The following PPP2R2C variants were observed in gnomAD, a reference collection of about 807,000 sequenced individuals.
PPP2R2C encodes the protein protein phosphatase 2, regulatory subunit B, gamma.
In PPP2R2C, 10 loss-of-function variants were observed where a neutral mutation model predicts 45.3. That is an observed-to-expected ratio of 0.22 (90% CI 0.14 to 0.37). The LOEUF (loss-of-function observed/expected upper bound fraction) is 0.37. PPP2R2C is among the 10% of genes least tolerant of loss of function. PPP2R2C has a pLI of 1.00. For synonymous variants in PPP2R2C, 257 were observed against 245.4 expected (o/e 1.05, Z -0.44); for missense variants, 308 against 619.7 (o/e 0.50, Z 5.34).
rs1242464315 is a variant in PPP2R2C, at chr4:6,461,363, T to C, written c.70+10797A>G. 2.0e-5 allele frequency among the ~76,000 whole-genome samples: 3 copies of C among 152,112 alleles called. No homozygotes were observed. The East Asian group carries it at 5.8e-4, about 29-fold the overall frequency. ...GGCAAGACATCCACCAAGATGCAGG[T>C]TCTTCCCACTGCAGAGTAGCCACTG... On this transcript the variant is annotated intron_variant, in intron 1 of 8. Transcript: ENST00000382599.
intron 1 of PPP2R2C, among the ~76,000 whole-genome samples, chr4:6,440,713 C>T (rs1236856418): frequency 6.6e-6 from 1 of 152,354 alleles, no homozygotes; most frequent in East Asian, 1.9e-4. Context: ...TCAGAGCCTC[C>T]TGGCATAGCT....
chr4:6,371,116 T>C (rs79535926), intron 5 of PPP2R2C, among the ~76,000 whole-genome samples: 1,728 of 152,266 alleles, frequency 0.011, 35 homozygotes, highest in African/African-American at 0.039. Context: ...GGAGGCATGA[T>C]TGAAAAGACG....
At chr4:6,355,978 G>C (rs1455383399) in intron 5 of PPP2R2C, among the ~76,000 whole-genome samples, 1 of 132,510 alleles carries the variant, frequency 7.5e-6, no homozygotes, top group East Asian at 2.3e-4. Context: ...GGGTGACAGA[G>C]TGAGACTCTG....
intron 2 of PPP2R2C, among the ~76,000 whole-genome samples, chr4:6,515,405 G>A (rs751872511): frequency 2.0e-5 from 3 of 152,170 alleles, no homozygotes; most frequent in Non-Finnish European, 4.4e-5. Context: ...AGCATTGCAG[G>A]GCTAACCAGC....
At chr4:6,396,844 C>T (rs1161885266) in intron 1 of PPP2R2C, among the ~76,000 whole-genome samples, 1 of 152,176 alleles carries the variant, frequency 6.6e-6, no homozygotes, top group African/African-American at 2.4e-5. Flanking sequence ...ATACTCAAGC[C>T]AGGGCTGATT....
chr4:6,479,856 G>T, intron 2 of PPP2R2C, among the ~76,000 whole-genome samples: 1 of 150,638 alleles, frequency 6.6e-6, no homozygotes, highest in East Asian at 2.0e-4. Flanking sequence ...TGACATATTC[G>T]CTTCAGCTTT....
intron 1 of PPP2R2C, among the ~76,000 whole-genome samples, chr4:6,408,460 A>G (rs1052788688): frequency 2.6e-5 from 4 of 152,148 alleles, no homozygotes; most frequent in African/African-American, 9.7e-5. Context: ...CTCCCAGAGA[A>G]CTGAGCCAAT....
At position 6,329,245 on chromosome 4, in the gene PPP2R2C, C is replaced by T. The variant is rs764604944; in HGVS notation, c.1052+17G>A. 3.7e-6 allele frequency: 6 copies of T among 1,610,642 alleles called. No homozygotes were observed. The Admixed American group carries it at 1.0e-4, about 27-fold the overall frequency. On this transcript the variant is annotated intron_variant, in intron 8 of 8. Coordinates refer to ENST00000382599, the MANE Select transcript of PPP2R2C (RefSeq NM_020416.4). The surrounding 1 kb of genome is among the most constrained non-coding windows in gnomAD (Gnocchi z 5.8). ...TCCCTACGGTGAGGTGAGGTGCGGG[C>T]TGAGGTCAGGGCTTACCTGTCGCTC... is the stretch of plus-strand genomic sequence containing the variant.
upstream of PPP2R2C, among the ~76,000 whole-genome samples, chr4:6,472,875 GAGA>G (rs1351622401): frequency 1.3e-5 from 2 of 152,182 alleles, no homozygotes; most frequent in Admixed American, 1.3e-4. Flanking sequence ...AGTTATGGGA[GAGA>G]AGGCCAAGAG....
intron 1 of PPP2R2C, chr4:6,382,721 C>T (rs1199861464): frequency 6.6e-6 from 3 of 454,802 alleles, no homozygotes; most frequent in Non-Finnish European, 7.1e-6. Context: ...ACACACCCCA[C>T]ATCCAATCCT....
intron 5 of PPP2R2C, among the ~76,000 whole-genome samples, chr4:6,360,335 C>G (rs536432164): frequency 2.6e-5 from 4 of 152,392 alleles, no homozygotes; most frequent in East Asian, 1.9e-4. Context: ...ACCCCAAGGA[C>G]CCTGATGCCA....
At chr4:6,326,542 G>C (rs1340384952) in intron 8 of PPP2R2C, among the ~76,000 whole-genome samples, 1 of 152,200 alleles carries the variant, frequency 6.6e-6, no homozygotes, top group Non-Finnish European at 1.5e-5. Flanking sequence ...GGGAAGGGCA[G>C]GCCTGCCAAT....
At chr4:6,422,283 G>A (rs546046134) in intron 1 of PPP2R2C, among the ~76,000 whole-genome samples, 4 of 152,266 alleles carry the variant, frequency 2.6e-5, no homozygotes, top group East Asian at 1.9e-4. Flanking sequence ...GGCAGACGGC[G>A]TGGCCTGCAC....
chr4:6,335,430 C>T (rs920653476), intron 6 of PPP2R2C, among the ~76,000 whole-genome samples: 5 of 152,080 alleles, frequency 3.3e-5, no homozygotes, highest in Non-Finnish European at 7.4e-5. Flanking sequence ...GGCCCTGAGG[C>T]AGGGACACGC....
At chr4:6,411,566 T>C (rs1196172459) in intron 1 of PPP2R2C, among the ~76,000 whole-genome samples, 1 of 151,338 alleles carries the variant, frequency 6.6e-6, no homozygotes, top group Admixed American at 6.6e-5. Flanking sequence ...TTTTTTTTTT[T>C]TTTTGAGAGG....
chr4:6,392,701 G>A (rs117624305), intron 1 of PPP2R2C, among the ~76,000 whole-genome samples: 2,103 of 152,316 alleles, frequency 0.014, 69 homozygotes, highest in East Asian at 0.1. Flanking sequence ...CCAGCAGGCC[G>A]GGAGAGGCCT....
chr4:6,554,735 C>G (rs1005506583), intron 1 of PPP2R2C, among the ~76,000 whole-genome samples: 1 of 151,700 alleles, frequency 6.6e-6, no homozygotes, highest in African/African-American at 2.4e-5. Flanking sequence ...TGGTGCACAC[C>G]TGTAATCCCA....
intron 1 of PPP2R2C, among the ~76,000 whole-genome samples, chr4:6,432,457 C>T (rs1033966874): frequency 6.6e-6 from 1 of 152,212 alleles, no homozygotes; most frequent in Admixed American, 6.5e-5. Flanking sequence ...GCCTCGTTTC[C>T]CCCTCTCCCC....
chr4:6,472,030 T>TGGGGTGGGGTGGGGTGGGGC (rs1415098068), intron 1 of PPP2R2C, 130 bp downstream of exon 1: 3 of 774,760 alleles, frequency 3.9e-6, no homozygotes, highest in South Asian at 1.8e-5. Context: ...TGGGGTGGGA[T>TGGGGTGGGGTGGGGTGGGGC]GGGGTGGGGT....
Sources: gnomAD v4.1 joint callset for allele counts (sites outside exome capture counted in the v4.1 genomes callset) on GRCh38, gnomAD v4.1.1 for gene constraint, Gnocchi (gnomAD v3.1) non-coding constraint, MANE v1.5 for transcripts, NCBI Gene and HGNC (gene_info 2026-07-23, HGNC 2026-07-21) for gene names.